Variants in DIXDC1 observed in about 807,000 individuals in gnomAD.
The protein encoded by DIXDC1 is dixin.
A neutral mutation model predicts 103.1 loss-of-function variants in DIXDC1; 64 were observed. That is an observed-to-expected ratio of 0.62 (90% CI 0.51 to 0.76). The LOEUF is 0.76. DIXDC1 is among the 30% of genes least tolerant of loss of function. DIXDC1 has a pLI of 0.00. For missense variants in DIXDC1, 759 were observed against 834.2 expected, an observed-to-expected ratio of 0.91 and a Z score of 1.11; for synonymous variants, 266 against 298.5, an observed-to-expected ratio of 0.89 and a Z score of 1.12.
At chr11:112,008,131 C>CAAAAAAAA (rs782037838) in intron 17 of DIXDC1, among the ~76,000 whole-genome samples, 1 of 52,258 alleles carries the variant, frequency 1.9e-5, no homozygotes. Context: ...AAATGCAAAG[C>CAAAAAAAA]AAAAAAAAAA....
chr11:111,992,274 G>T, intron 10 of DIXDC1, 141 bp from the exon 11 acceptor site: 1 of 687,232 alleles, frequency 1.5e-6, no homozygotes, highest in Non-Finnish European at 2.4e-6. Flanking sequence ...TCAGCAACTC[G>T]TGGCAAGACC....
At chr11:111,992,376 G>T in intron 10 of DIXDC1, 39 bp from the exon 11 acceptor site, 2 of 1,507,644 alleles carry the variant, frequency 1.3e-6, no homozygotes, top group South Asian at 2.4e-5. Context: ...GCTGATTGAT[G>T]AACTGAGACA....
Position 111,989,055 on chromosome 11 carries a change from G to T in DIXDC1, c.1113G>T (p.Lys371Asn). ...AAGCCAGAAACTTACAGGGGATAAA[G>T]GTAAAAAAGAAGACATTTAATTCTT... ...KQEARNLQGIKDALQQRLTQQ... is the reference protein window; with the variant it reads ...KQEARNLQGINDALQQRLTQQ... Residue 371 changes from lysine to asparagine, a missense_variant and splice_region_variant, in exon 10 of 20, where the codon AAG becomes AAT. Lys to Asn is a moderately conservative substitution (Grantham distance 94). Transcript: ENST00000440460. The T allele has an allele frequency of 6.2e-7, 1 of 1,603,088 alleles. No homozygotes were observed. Among genetic ancestry groups the T allele is most frequent in the Non-Finnish European group, 8.5e-7 (1 of 1,176,426 alleles).
At chr11:111,978,871 C>T (rs1490707005) in intron 5 of DIXDC1, among the ~76,000 whole-genome samples, 1 of 152,198 alleles carries the variant, frequency 6.6e-6, no homozygotes, top group Non-Finnish European at 1.5e-5. Flanking sequence ...ATGCTGAGGC[C>T]TGAGCAGGCA....
chr11:112,001,932 T>C (rs1555176069), intron 17 of DIXDC1, among the ~76,000 whole-genome samples: 1 of 152,032 alleles, frequency 6.6e-6, no homozygotes, highest in African/African-American at 2.4e-5. Flanking sequence ...AATTTTTGTA[T>C]TTTTGGTAGA....
At chr11:112,009,258 A>G (rs1406444881) in intron 17 of DIXDC1, among the ~76,000 whole-genome samples, 2 of 152,222 alleles carry the variant, frequency 1.3e-5, no homozygotes, top group African/African-American at 2.4e-5. Context: ...CTAAACCAGG[A>G]AGAAGTTGAA....
At chr11:111,999,827 T>C (rs587617874) in intron 17 of DIXDC1, among the ~76,000 whole-genome samples, 4 of 151,100 alleles carry the variant, frequency 2.6e-5, no homozygotes, top group Non-Finnish European at 5.9e-5. Context: ...CCAGCCTGGG[T>C]GATAGAGTGA....
intron 1 of DIXDC1, among the ~76,000 whole-genome samples, chr11:111,963,388 C>T (rs1859637132): frequency 6.6e-6 from 1 of 152,182 alleles, no homozygotes; most frequent in Non-Finnish European, 1.5e-5. Flanking sequence ...TGTCTTAGCA[C>T]TGTCTTCCAA....
At chr11:111,933,740 T>C (rs1234403468), upstream of DIXDC1, among the ~76,000 whole-genome samples, 1 of 151,076 alleles carries the variant, frequency 6.6e-6, no homozygotes, top group African/African-American at 2.4e-5. Context: ...ATTTAAAATA[T>C]TTTTATTGAC....
At chr11:111,969,355 T>C (rs1481540312) in intron 3 of DIXDC1, among the ~76,000 whole-genome samples, 2 of 152,188 alleles carry the variant, frequency 1.3e-5, no homozygotes, top group Admixed American at 6.5e-5. Flanking sequence ...TTTATGTTTT[T>C]TAAGTTCCTT....
intron 10 of DIXDC1, 122 bp from the exon 11 acceptor site, chr11:111,992,293 C>T (rs1402235877): frequency 1.2e-6 from 1 of 850,518 alleles, no homozygotes; most frequent in Non-Finnish European, 1.8e-6. Flanking sequence ...CCCTTTACCC[C>T]ATTTGTCTTC....
chr11:111,993,858 C>G, intron 14 of DIXDC1, 118 bp downstream of exon 14: 1 of 1,173,958 alleles, frequency 8.5e-7, no homozygotes, highest in South Asian at 1.5e-5. Context: ...CTATGATGAG[C>G]TAGTTAAAAG....
intron 1 of DIXDC1, among the ~76,000 whole-genome samples, chr11:111,955,821 G>T (rs1247460773): frequency 1.8e-5 from 2 of 112,196 alleles, no homozygotes; most frequent in Non-Finnish European, 3.3e-5. Flanking sequence ...GTGACAGAGT[G>T]AGACTCTAGC....
chr11:111,964,326 G>T (rs1859660045), intron 1 of DIXDC1, among the ~76,000 whole-genome samples: 1 of 152,180 alleles, frequency 6.6e-6, no homozygotes, highest in South Asian at 2.1e-4. Flanking sequence ...CAAGTCCGAG[G>T]TTAGCTTATC....
chr11:111,965,162 G>A (rs1555171392), intron 2 of DIXDC1, among the ~76,000 whole-genome samples: 1 of 152,064 alleles, frequency 6.6e-6, no homozygotes, highest in East Asian at 1.9e-4. Flanking sequence ...CTGGCAAAAG[G>A]ACCCTTCTAC....
At chr11:111,973,052 G>T (rs1555172210) in intron 3 of DIXDC1, among the ~76,000 whole-genome samples, 1 of 144,950 alleles carries the variant, frequency 6.9e-6, no homozygotes, top group East Asian at 2.1e-4. Flanking sequence ...AAAAAAAAGA[G>T]TTTCTAATAG....
chr11:112,021,313 A>G lies in DIXDC1; in HGVS notation c.*2277A>G, dbSNP rs1268152026. The stretch of plus-strand genomic sequence containing the variant: ...TCTCATGTACCACAGGTAATGACCA[A>G]GCATCTCTGCTAGAGGATGTAACTC... On this transcript the variant is annotated 3_prime_UTR_variant, in exon 20 of 20. Coordinates refer to ENST00000440460, the MANE Select transcript of DIXDC1 (RefSeq NM_001037954.4). 3 of 152,198 alleles carry G rather than the reference A, an allele frequency of 2.0e-5. No individual in the cohort carries two copies. The highest frequency in any genetic ancestry group is 4.4e-5 in the Non-Finnish European group (3 of 68,030). The allele number at this position is 152,198 out of a possible 1,614,324, so 9.4% of individuals were successfully genotyped here.
intron 1 of DIXDC1, among the ~76,000 whole-genome samples, chr11:111,948,179 C>T (rs1217028639): frequency 6.6e-6 from 1 of 152,154 alleles, no homozygotes; most frequent in African/African-American, 2.4e-5. Context: ...TCTACAAGGC[C>T]ACATACCGAG....
intron 17 of DIXDC1, among the ~76,000 whole-genome samples, chr11:112,003,228 C>T (rs782190051): frequency 6.6e-6 from 1 of 152,022 alleles, no homozygotes; most frequent in South Asian, 2.1e-4. Flanking sequence ...CTAGGCTGGG[C>T]GTGGTGGCTC....
Sources: allele counts gnomAD v4.1 joint callset (sites outside exome capture counted in the v4.1 genomes callset), GRCh38; gene constraint gnomAD v4.1.1; transcripts MANE v1.5; gene names NCBI Gene and HGNC (gene_info 2026-07-23, HGNC 2026-07-21).